Variants in THSD7B observed in about 807,000 individuals in gnomAD.
The protein encoded by THSD7B is thrombospondin type 1 domain containing 7B, also known as thrombospondin type-1 domain-containing protein 7B.
THSD7B carries 138 observed loss-of-function variants against 213.6 expected under a neutral mutation model. The ratio of observed to expected loss-of-function variants is 0.65; its 90% confidence interval spans 0.56 to 0.74. THSD7B has a LOEUF of 0.74. Ranked by LOEUF, THSD7B falls within the 30% of genes least tolerant of loss-of-function variation. The pLI, the probability that THSD7B is intolerant of heterozygous loss-of-function variation, is 0.00. For missense variants in THSD7B, 1,931 were observed against 1,991.5 expected, an observed-to-expected ratio of 0.97 and a Z score of 0.58; for synonymous variants, 742 against 687.0, an observed-to-expected ratio of 1.08 and a Z score of -1.25.
chr2:136,935,857 T>C (rs1371486600), intron 2 of THSD7B, among the ~76,000 whole-genome samples: 1 of 148,902 alleles, frequency 6.7e-6, no homozygotes, highest in Non-Finnish European at 1.5e-5. Flanking sequence ...TATTACATTC[T>C]ATAATAATTA....
intron 2 of THSD7B, among the ~76,000 whole-genome samples, chr2:136,923,737 G>T (rs1460633938): frequency 2.0e-5 from 3 of 151,976 alleles, no homozygotes; most frequent in African/African-American, 7.3e-5. Context: ...GTGTTTGTTG[G>T]CTATTCATAT....
At chr2:136,917,147 T>C (rs990484797) in intron 2 of THSD7B, among the ~76,000 whole-genome samples, 5 of 152,100 alleles carry the variant, frequency 3.3e-5, no homozygotes, top group African/African-American at 1.2e-4. Flanking sequence ...AATTATGAAG[T>C]TTTCCAATCT....
intron 22 of THSD7B, 151 bp from the exon 23 acceptor site, chr2:137,656,645 A>C (rs574432314): frequency 7.2e-6 from 5 of 695,148 alleles, no homozygotes; most frequent in Non-Finnish European, 1.1e-5. Flanking sequence ...TTCTTAGTAC[A>C]TTCTGATTGG....
chr2:137,317,029 A>G (rs1684127386), intron 12 of THSD7B, among the ~76,000 whole-genome samples: 1 of 152,222 alleles, frequency 6.6e-6, no homozygotes, highest in Admixed American at 6.5e-5. Flanking sequence ...GTATAAATAG[A>G]AGTCTTTTGT....
At position 137,556,089 on chromosome 2, in the gene THSD7B, G is replaced by A. The variant is rs547654591; in HGVS notation, c.3139-7132G>A. 2.6e-4 allele frequency among the ~76,000 whole-genome samples: 39 copies of A among 152,328 alleles called. 1 individual carries two copies. The highest frequency in any genetic ancestry group is 6.5e-4 in the Admixed American group (10 of 15,308). ...AATTGGTGTACGTAAAAGTGATGGA[G>A]AGAAAGGAACCAAGTTGGAAAACAC... On this transcript the variant is annotated intron_variant, in intron 15 of 27. Transcript: ENST00000409968.
chr2:137,537,271 A>G (rs984952818), intron 15 of THSD7B, among the ~76,000 whole-genome samples: 2 of 151,834 alleles, frequency 1.3e-5, no homozygotes, highest in Admixed American at 6.6e-5. Flanking sequence ...AATTATGTCT[A>G]CTACATATGA....
chr2:137,098,729 A>G (rs1418837478), intron 4 of THSD7B, among the ~76,000 whole-genome samples: 1 of 151,982 alleles, frequency 6.6e-6, no homozygotes, highest in Non-Finnish European at 1.5e-5. Flanking sequence ...TTTGGGGGAT[A>G]CTCTTCTCAT....
At chr2:136,890,297 C>CCTA (rs1558839712) in intron 2 of THSD7B, among the ~76,000 whole-genome samples, 4 of 126 alleles carry the variant, frequency 0.032, no homozygotes, top group Non-Finnish European at 0.12. Flanking sequence ...ATGTCCATGT[C>CCTA]CTACTCCTTC....
intron 17 of THSD7B, among the ~76,000 whole-genome samples, chr2:137,594,457 G>A (rs1352231299): frequency 2.6e-5 from 4 of 151,972 alleles, no homozygotes; most frequent in African/African-American, 9.7e-5. Context: ...TCTGCTATAA[G>A]ATTAATGGCC....
chr2:137,490,953 G>A (rs990483647), intron 15 of THSD7B, among the ~76,000 whole-genome samples: 7 of 152,230 alleles, frequency 4.6e-5, no homozygotes, highest in African/African-American at 9.6e-5. Context: ...CGAAACCTTC[G>A]TTTACATTTG....
At chr2:136,856,548 C>CT (rs1159269119) in intron 1 of THSD7B, among the ~76,000 whole-genome samples, 2 of 150,084 alleles carry the variant, frequency 1.3e-5, no homozygotes, top group Non-Finnish European at 3.0e-5. Context: ...CAGAGTCACT[C>CT]TGTCACCCAG....
At chr2:137,045,183 T>G (rs978435354) in intron 2 of THSD7B, among the ~76,000 whole-genome samples, 9 of 138,056 alleles carry the variant, frequency 6.5e-5, no homozygotes, top group African/African-American at 1.8e-4. Context: ...ATATGACTTG[T>G]TTTTTTTTTC....
At chr2:137,369,998 T>C (rs754000099) in intron 12 of THSD7B, among the ~76,000 whole-genome samples, 6 of 152,176 alleles carry the variant, frequency 3.9e-5, no homozygotes, top group Non-Finnish European at 8.8e-5. Flanking sequence ...ATCTGCCACT[T>C]TTTGTTGTGT....
chr2:137,452,868 C>T (rs1016801563), intron 15 of THSD7B, among the ~76,000 whole-genome samples: 9 of 152,242 alleles, frequency 5.9e-5, no homozygotes, highest in East Asian at 3.9e-4. Flanking sequence ...TAACATATAG[C>T]ACTTATACCC....
chr2:137,402,390 T>G (rs1686389993), intron 12 of THSD7B, among the ~76,000 whole-genome samples: 1 of 152,210 alleles, frequency 6.6e-6, no homozygotes, highest in East Asian at 1.9e-4. Context: ...ATGCAGTGTA[T>G]TCTAATTTAG....
intron 7 of THSD7B, among the ~76,000 whole-genome samples, chr2:137,200,249 T>G (rs1259067776): frequency 5.3e-5 from 8 of 152,086 alleles, no homozygotes; most frequent in Non-Finnish European, 5.9e-5. Flanking sequence ...CCACCTCAAT[T>G]TGAGTATGAT....
intron 1 of THSD7B, among the ~76,000 whole-genome samples, chr2:136,797,711 C>T (rs910763357): frequency 6.6e-6 from 1 of 151,776 alleles, no homozygotes; most frequent in Admixed American, 6.6e-5. Flanking sequence ...ATTCTTTTTC[C>T]TTCAGTCTTA....
At chr2:137,289,457 A>G (rs1396466379) in intron 12 of THSD7B, among the ~76,000 whole-genome samples, 2 of 152,048 alleles carry the variant, frequency 1.3e-5, no homozygotes, top group Non-Finnish European at 2.9e-5. Context: ...TCTTTATGCT[A>G]TTTAAAAACG....
At chr2:137,128,763 C>A (rs888534262) in intron 5 of THSD7B, among the ~76,000 whole-genome samples, 2 of 152,174 alleles carry the variant, frequency 1.3e-5, no homozygotes, top group Non-Finnish European at 2.9e-5. Context: ...TACTAACTTA[C>A]ACTGACTTTT....
Sources: allele counts gnomAD v4.1 joint callset (sites outside exome capture counted in the v4.1 genomes callset), GRCh38; gene constraint gnomAD v4.1.1; transcripts MANE v1.5; gene names NCBI Gene and HGNC (gene_info 2026-07-23, HGNC 2026-07-21).